EPS8: variants seen among roughly 807,000 people sequenced by gnomAD.
EPS8 encodes the protein epidermal growth factor receptor kinase substrate 8.
Under a neutral mutation model 103.8 loss-of-function variants are expected in EPS8, and 42 were observed. That is an observed-to-expected ratio of 0.40 (90% CI 0.32 to 0.52). The LOEUF is 0.52. Ranked by LOEUF, EPS8 falls within the 20% of genes least tolerant of loss-of-function variation. The pLI is 0.40. For synonymous variants in EPS8, 344 were observed against 344.6 expected, an observed-to-expected ratio of 1.00 and a Z score of 0.02; for missense variants, 969 against 1,005.1, an observed-to-expected ratio of 0.96 and a Z score of 0.49.
intron 1 of EPS8, among the ~76,000 whole-genome samples, chr12:15,715,008 T>C (rs1946512891): frequency 6.6e-6 from 1 of 152,130 alleles, no homozygotes; most frequent in Non-Finnish European, 1.5e-5. Context: ...GCAAAAAAGA[T>C]TGAATGGAAA....
chr12:15,662,922 T>G (rs1478024503), intron 8 of EPS8, among the ~76,000 whole-genome samples: 1 of 149,870 alleles, frequency 6.7e-6, no homozygotes, highest in African/African-American at 2.5e-5. Context: ...TAGAGAGAAC[T>G]GCAAAAAAAA....
At chr12:15,622,695 T>C (rs1476797500) in intron 20 of EPS8, among the ~76,000 whole-genome samples, 2 of 152,080 alleles carry the variant, frequency 1.3e-5, no homozygotes, top group Admixed American at 1.3e-4. Flanking sequence ...CTACCTAATG[T>C]ATCTTTCCCG....
chr12:15,627,505 C>T (rs1349486630), intron 18 of EPS8, among the ~76,000 whole-genome samples: 1 of 151,450 alleles, frequency 6.6e-6, no homozygotes, highest in Non-Finnish European at 1.5e-5. Context: ...TGTACAAACC[C>T]CTTACATAAC....
intron 3 of EPS8, among the ~76,000 whole-genome samples, chr12:15,679,076 T>C (rs1417274494): frequency 6.6e-6 from 1 of 152,158 alleles, no homozygotes; most frequent in African/African-American, 2.4e-5. Context: ...AGATCTGTGG[T>C]ATTTCTGACA....
intron 8 of EPS8, chr12:15,662,696 G>A: frequency 2.1e-6 from 2 of 956,476 alleles, no homozygotes; most frequent in Non-Finnish European, 2.5e-6. Flanking sequence ...GGGTATTAAG[G>A]TTGCTCAGTT....
At position 15,761,218 on chromosome 12, in the gene EPS8, G is replaced by A. The variant is rs1947038240; in HGVS notation, c.-22+27943C>T. Among the ~76,000 whole-genome samples, 1 of 151,668 alleles carries A rather than the reference G, an allele frequency of 6.6e-6. No homozygotes were observed. Among genetic ancestry groups the A allele is most frequent in the Admixed American group, 6.6e-5 (1 of 15,212 alleles). ...GCCACACATAAAATTAAATACCTAG[G>A]AATTAACTAAAGAAGTGAAGAATCT... On this transcript the variant is annotated intron_variant, in intron 1 of 20. Coordinates refer to ENST00000281172, the MANE Select transcript of EPS8 (RefSeq NM_004447.6). The surrounding 1 kb of genome is among the most constrained non-coding windows in gnomAD (Gnocchi z 4.5).
Position 15,747,700 on chromosome 12 carries a change from T to C in EPS8, c.-22+41461A>G, listed in dbSNP as rs545397216. Among the ~76,000 whole-genome samples, 186 of 152,194 alleles carry C rather than the reference T, an allele frequency of 1.2e-3. No individual in the cohort carries two copies. The highest frequency in any genetic ancestry group is 4.3e-3 in the African/African-American group (180 of 41,512). On this transcript the variant is annotated intron_variant, in intron 1 of 20. Coordinates refer to ENST00000281172, the MANE Select transcript of EPS8 (RefSeq NM_004447.6). The surrounding 1 kb of genome is among the most constrained non-coding windows in gnomAD (Gnocchi z 4.4). ...AGAATCTTCAGTGACTTGATTTCAA[T>C]ATAAAACAGGACAAATACTCCAATT...
Position 15,621,190 on chromosome 12 carries a change from T to C in EPS8, c.*127A>G. On this transcript the variant is annotated 3_prime_UTR_variant, in exon 21 of 21. Transcript: ENST00000281172. ...AATCCTGTGCTCACTCAGGTTTGCATGGGTTTTTTTTTATGGTGATAAATT... is the reference window on the plus strand; with the variant it reads ...AATCCTGTGCTCACTCAGGTTTGCACGGGTTTTTTTTTATGGTGATAAATT... 1 of 377,400 alleles carries C rather than the reference T, an allele frequency of 2.6e-6. No homozygotes were observed. The highest frequency in any genetic ancestry group is 9.8e-5 in the African/African-American group (1 of 10,218). The allele number at this position is 377,400 out of a possible 1,614,324, so 23.4% of individuals were successfully genotyped here.
intron 1 of EPS8, among the ~76,000 whole-genome samples, chr12:15,737,008 G>T (rs1470568806): frequency 2.0e-5 from 3 of 152,100 alleles, no homozygotes; most frequent in Non-Finnish European, 1.5e-5. Context: ...AGTTGTTTTT[G>T]AATTTGAAAA....
chr12:15,723,362 T>C (rs1316405446), intron 1 of EPS8, among the ~76,000 whole-genome samples: 1 of 152,172 alleles, frequency 6.6e-6, no homozygotes, highest in Non-Finnish European at 1.5e-5. Context: ...AAATTACTAT[T>C]TCTTTGCTTA....
Position 15,623,185 on chromosome 12 carries a change from T to G in EPS8, c.2328A>C (p.Gln776His), listed in dbSNP as rs1280055376. 1.2e-6 allele frequency: 2 copies of G among 1,610,256 alleles called. No individual in the cohort carries two copies. Among genetic ancestry groups the G allele is most frequent in the South Asian group, 1.1e-5 (1 of 89,922 alleles). The change falls in exon 20 of 21, where the codon CAA (glutamine) becomes CAC (histidine). Residue 776 changes from glutamine (Q) to histidine (H), a missense_variant. Physicochemically the swap from Gln to His is conservative, Grantham distance 24. Coordinates refer to ENST00000281172, the MANE Select transcript of EPS8 (RefSeq NM_004447.6). ...VCPEGARVYS[Q>H]ITVQKAALED... is the part of the protein sequence containing the mutation. ...CCAATGCAGCTTTTTGTACAGTGAT[T>G]TGGCTATAGACTCTCGCCCCTTCAG...
intron 1 of EPS8, among the ~76,000 whole-genome samples, chr12:15,773,858 C>T (rs948354013): frequency 3.3e-5 from 5 of 152,062 alleles, no homozygotes; most frequent in Non-Finnish European, 7.4e-5. Flanking sequence ...ACATTGGTAA[C>T]TATAATTCTC....
chr12:15,689,635 T>G (rs1447800974), intron 1 of EPS8, among the ~76,000 whole-genome samples: 4 of 152,234 alleles, frequency 2.6e-5, no homozygotes, highest in Admixed American at 2.6e-4. Context: ...CATTTCTTTG[T>G]GGTAAGAACA....
chr12:15,739,660 TG>T (rs1185250357), intron 1 of EPS8, among the ~76,000 whole-genome samples: 1 of 152,182 alleles, frequency 6.6e-6, no homozygotes, highest in Non-Finnish European at 1.5e-5. Flanking sequence ...TCAGCTTCCC[TG>T]GTTCACCATC....
chr12:15,762,893 G>T lies in EPS8; in HGVS notation c.-22+26268C>A, dbSNP rs1465675682. ...AATAATAATTTAATTGTACTATTCTGCATAGTGGTTACAGCTATTTTTAAA... is the reference window on the plus strand; with the variant it reads ...AATAATAATTTAATTGTACTATTCTTCATAGTGGTTACAGCTATTTTTAAA... On this transcript the variant is annotated intron_variant, in intron 1 of 20. Transcript: ENST00000281172. This position sits in a 1 kb window ranked among gnomAD's most constrained non-coding sequence, Gnocchi z 4.8. 1.3e-5 allele frequency among the ~76,000 whole-genome samples: 2 copies of T among 152,090 alleles called. No homozygotes were observed. Among genetic ancestry groups the T allele is most frequent in the Non-Finnish European group, 2.9e-5 (2 of 67,990 alleles).
rs1288883754 is a variant in EPS8 at position 15,767,112 on chromosome 12, T to C, written c.-22+22049A>G. On this transcript the variant is annotated intron_variant, in intron 1 of 20. Coordinates refer to ENST00000281172, the MANE Select transcript of EPS8 (RefSeq NM_004447.6). The surrounding 1 kb of genome is among the most constrained non-coding windows in gnomAD (Gnocchi z 5.5). ...TAACAATGTGTGTGGGCCTGGCAAA[T>C]AGCACCTAAGAACAAGAGATTGCAT... Among the ~76,000 whole-genome samples, 1 of 152,134 alleles carries C rather than the reference T, an allele frequency of 6.6e-6. No individual in the cohort carries two copies. Among genetic ancestry groups the C allele is most frequent in the African/African-American group, 2.4e-5 (1 of 41,430 alleles).
In EPS8 at chr12:15,736,989, A is replaced by G. The variant is rs1946772949; in HGVS notation, c.-22+52172T>C. 6.6e-6 allele frequency among the ~76,000 whole-genome samples: 1 copy of G among 152,204 alleles called. No homozygotes were observed. Among genetic ancestry groups the G allele is most frequent in the African/African-American group, 2.4e-5 (1 of 41,464 alleles). ...CTTTAATTCATGTAGCTAGACAGCT[A>G]GGAAACTCAGTTGTTTTTGAATTTG... On this transcript the variant is annotated intron_variant, in intron 1 of 20. Coordinates refer to ENST00000281172, the MANE Select transcript of EPS8 (RefSeq NM_004447.6). The surrounding 1 kb of genome is among the most constrained non-coding windows in gnomAD (Gnocchi z 4.2).
rs1002299034 is a variant in EPS8 at position 15,658,689 on chromosome 12, T to A, written c.938-104A>T. On this transcript the variant is annotated intron_variant, in intron 10 of 20. Transcript: ENST00000281172. The stretch of plus-strand genomic sequence containing the variant: ...ATGTCTGTAAAGTTTGAAGATCTCA[T>A]CAGACATGCTACCTAGTTACCGTGC... 5 of 759,980 alleles carry A rather than the reference T, an allele frequency of 6.6e-6. No homozygotes were observed. In the East Asian group the frequency reaches 1.2e-4, roughly 19 times the overall value. The allele number at this position is 759,980 out of a possible 1,614,324, so 47.1% of individuals were successfully genotyped here. A position where few individuals can be genotyped will look rare whatever the true frequency, so the allele number is the denominator to read the frequency against.
rs747818540 is a variant in EPS8, at chr12:15,665,852, T to C, written c.640A>G (p.Arg214Gly). The C allele has an allele frequency of 1.2e-6, 2 of 1,613,840 alleles. No homozygotes were observed. The highest frequency in any genetic ancestry group is 2.7e-5 in the African/African-American group (2 of 74,918). ...NADPSIPPPP[R>G]APAPAPPGTV... is the part of the protein sequence containing the mutation. Reference sequence around the variant, plus strand: ...CCAGGGGGCGCAGGGGCAGGAGCTCTGGGTGGAGGCGGTATACTAGGGTCT... The same window carrying C: ...CCAGGGGGCGCAGGGGCAGGAGCTCCGGGTGGAGGCGGTATACTAGGGTCT... The change falls in exon 8 of 21, where the codon AGA (arginine) becomes GGA (glycine). Residue 214 changes from arginine to glycine, a missense_variant. Coordinates refer to ENST00000281172, the MANE Select transcript of EPS8 (RefSeq NM_004447.6).
Sources: gnomAD v4.1 joint callset for allele counts (sites outside exome capture counted in the v4.1 genomes callset) on GRCh38, gnomAD v4.1.1 for gene constraint, Gnocchi (gnomAD v3.1) non-coding constraint, MANE v1.5 for transcripts, NCBI Gene and HGNC (gene_info 2026-07-23, HGNC 2026-07-21) for gene names.